CDH18: variants seen among roughly 807,000 people sequenced by gnomAD.
CDH18 encodes the protein cadherin-18.
In CDH18, 31 loss-of-function variants were observed where a neutral mutation model predicts 67.9. The ratio of observed to expected loss-of-function variants is 0.46; its 90% CI spans 0.34 to 0.62. The LOEUF (loss-of-function observed/expected upper bound fraction) is 0.62, where lower values mean the gene tolerates loss of function less well. Ranked by LOEUF, CDH18 falls within the 20% of genes least tolerant of loss-of-function variation. The pLI is 0.01. For synonymous variants in CDH18, 362 were observed against 347.2 expected, an observed-to-expected ratio of 1.04 and a Z score of -0.48; for missense variants, 890 against 975.5, an observed-to-expected ratio of 0.91 and a Z score of 1.17.
At position 19,741,433 on chromosome 5, in the gene CDH18, T is replaced by C. The variant is rs1018317121; in HGVS notation, c.523+5509A>G. On this transcript the variant is annotated intron_variant, in intron 4 of 12. Coordinates refer to ENST00000382275, the MANE Select transcript of CDH18 (RefSeq NM_004934.5). ...GGTCTTCTAAATGCAGGCTATACAA[T>C]ACACAATTTTTTTTTTAATGAGAGC... Among the ~76,000 whole-genome samples the C allele has an allele frequency of 2.6e-5, 4 of 151,186 alleles. No homozygotes were observed. In the South Asian group the frequency reaches 6.2e-4, roughly 24 times the overall value.
At chr5:19,732,289 T>G (rs1326875283) in intron 4 of CDH18, among the ~76,000 whole-genome samples, 1 of 151,188 alleles carries the variant, frequency 6.6e-6, no homozygotes, top group Non-Finnish European at 1.5e-5. Flanking sequence ...AAAAAAAAAG[T>G]TTTTAAAATA....
rs1167079626 is a variant in CDH18, at chr5:19,849,629, TATATATACACGCATATATATATAAAC to T, written c.-256-10413_-256-10388del. Among the ~76,000 whole-genome samples the T allele has an allele frequency of 3.3e-3, 190 of 57,368 alleles. 9 individuals carry two copies. The highest frequency in any genetic ancestry group is 6.5e-3 in the African/African-American group (163 of 25,002). 37.6% of individuals were successfully genotyped at this position (57,368 alleles called of 152,430 possible). A position where few individuals can be genotyped will look rare whatever the true frequency, so the allele number is the denominator to read the frequency against. On this transcript the variant is annotated intron_variant, in intron 2 of 12. Transcript: ENST00000382275. ...ATATACACGCATATATATATAAACA[TATATATACACGCATATATATATAAAC>T]ATATATATATACACGCATATATATA...
intron 1 of CDH18, among the ~76,000 whole-genome samples, chr5:20,396,533 A>T (rs1263409706): frequency 1.3e-5 from 2 of 152,126 alleles, no homozygotes; most frequent in East Asian, 3.8e-4. Flanking sequence ...ATGCTGATTA[A>T]TGTAAAGATA....
At chr5:19,722,126 T>A (rs891309782) in intron 4 of CDH18, among the ~76,000 whole-genome samples, 1 of 152,178 alleles carries the variant, frequency 6.6e-6, no homozygotes, top group Non-Finnish European at 1.5e-5. Flanking sequence ...CGATCTTGGC[T>A]CACTGCAACT....
intron 1 of CDH18, among the ~76,000 whole-genome samples, chr5:20,475,924 T>C (rs542602356): frequency 6.6e-6 from 1 of 152,302 alleles, no homozygotes; most frequent in East Asian, 1.9e-4. Context: ...GACATTTAGA[T>C]GTGTCTGCAG....
chr5:20,369,652 G>A lies in CDH18; in HGVS notation c.-579-114147C>T, dbSNP rs141973527. 2.4e-4 allele frequency among the ~76,000 whole-genome samples: 36 copies of A among 152,250 alleles called. No homozygotes were observed. The East Asian group carries it at 6.7e-3, about 29-fold the overall frequency. On this transcript the variant is annotated intron_variant, in intron 1 of 14. Coordinates refer to the CDH18 transcript ENST00000507958. Reference sequence around the variant, plus strand: ...ATAATTTAAGGAAATGCTTGTTTCTGTTTTGAAAATATCATGTCCAGTGGC... The same window carrying A: ...ATAATTTAAGGAAATGCTTGTTTCTATTTTGAAAATATCATGTCCAGTGGC...
intron 2 of CDH18, among the ~76,000 whole-genome samples, chr5:20,162,143 T>A (rs1735935035): frequency 6.6e-6 from 1 of 152,008 alleles, no homozygotes; most frequent in Non-Finnish European, 1.5e-5. Flanking sequence ...AAAACAAAGC[T>A]CAATTTCTTT....
chr5:19,516,612 C>G (rs1023516576), intron 10 of CDH18, among the ~76,000 whole-genome samples: 62 of 152,054 alleles, frequency 4.1e-4, no homozygotes, highest in African/African-American at 1.5e-3. Context: ...TCCATTTCTT[C>G]TAGATTTTCT....
chr5:19,621,847 A>G (rs745998544), intron 5 of CDH18, among the ~76,000 whole-genome samples: 15 of 152,322 alleles, frequency 9.8e-5, no homozygotes, highest in Non-Finnish European at 1.3e-4. Context: ...TAAAAAACAA[A>G]ATAAAATAAA....
At chr5:19,815,949 T>A (rs1173579351) in intron 3 of CDH18, among the ~76,000 whole-genome samples, 9 of 151,862 alleles carry the variant, frequency 5.9e-5, no homozygotes, top group Admixed American at 1.3e-4. Context: ...GTAACCAAGT[T>A]CTTAACAGAT....
chr5:20,359,182 C>T (rs1398897618), intron 1 of CDH18, among the ~76,000 whole-genome samples: 2 of 152,006 alleles, frequency 1.3e-5, no homozygotes, highest in African/African-American at 2.4e-5. Flanking sequence ...CCACCCACCT[C>T]GGCCTCCCAA....
chr5:19,638,977 G>GTTTTTTTTTTTTTTTTTTTTTTTTGTTT (rs1753593662), intron 5 of CDH18, among the ~76,000 whole-genome samples: 1 of 54,686 alleles, frequency 1.8e-5, no homozygotes, highest in African/African-American at 5.2e-5. Context: ...TTTTGTTGCT[G>GTTTTTTTTTTTTTTTTTTTTTTTTGTTT]TTTTTTTTTT....
intron 1 of CDH18, among the ~76,000 whole-genome samples, chr5:20,377,181 T>C (rs1265542452): frequency 6.6e-6 from 1 of 152,208 alleles, no homozygotes; most frequent in African/African-American, 2.4e-5. Flanking sequence ...TGTCTGCCAA[T>C]AGAATTTTGA....
intron 1 of CDH18, among the ~76,000 whole-genome samples, chr5:20,342,028 C>G (rs1048589572): frequency 6.6e-6 from 1 of 152,082 alleles, no homozygotes; most frequent in African/African-American, 2.4e-5. Context: ...AGATTCTGAG[C>G]CTCACATCTG....
intron 2 of CDH18, among the ~76,000 whole-genome samples, chr5:20,204,774 AG>A (rs562303041): frequency 1.0e-3 from 157 of 151,986 alleles, no homozygotes; most frequent in African/African-American, 3.7e-3. Context: ...TGAAGTGTAA[AG>A]GGTTTTTTTT....
chr5:19,933,201 T>A (rs942705227), intron 2 of CDH18, among the ~76,000 whole-genome samples: 1 of 151,488 alleles, frequency 6.6e-6, no homozygotes, highest in African/African-American at 2.4e-5. Flanking sequence ...GAGACAACCA[T>A]AAGTGAAATT....
intron 5 of CDH18, among the ~76,000 whole-genome samples, chr5:19,617,603 T>G (rs1219532702): frequency 6.6e-6 from 1 of 152,226 alleles, no homozygotes; most frequent in Non-Finnish European, 1.5e-5. Context: ...TTGGAAAGGC[T>G]TCACTGGCAA....
At chr5:20,362,423 C>G (rs1453648874) in intron 1 of CDH18, among the ~76,000 whole-genome samples, 1 of 152,156 alleles carries the variant, frequency 6.6e-6, no homozygotes, top group Non-Finnish European at 1.5e-5. Flanking sequence ...ATCCTCTGTA[C>G]TCCCTCTTGC....
At position 19,747,089 on chromosome 5, in the gene CDH18, G is replaced by C; in HGVS notation, c.376C>G (p.Leu126Val). Residue 126 changes from leucine (L) to valine (V), a missense_variant, in exon 4 of 13, where the codon CTT (leucine) becomes GTT (valine). By Grantham distance (32) the Leu-to-Val change is conservative. Coordinates refer to ENST00000382275, the MANE Select transcript of CDH18 (RefSeq NM_004934.5). ...CGTCTATCAATAGCTTGAGCATGAA[G>C]CACATAGTGGGTCTTCTGCTCTCTG... ...LDREQKTHYV[L>V]HAQAIDRRTN... 6.2e-7 allele frequency: 1 copy of C among 1,614,128 alleles called. No individual in the cohort carries two copies. Among genetic ancestry groups the C allele is most frequent in the East Asian group, 2.2e-5 (1 of 44,858 alleles).
Sources: gnomAD v4.1 joint callset for allele counts (sites outside exome capture counted in the v4.1 genomes callset) on GRCh38, gnomAD v4.1.1 for gene constraint, MANE v1.5 for transcripts, NCBI Gene and HGNC (gene_info 2026-07-23, HGNC 2026-07-21) for gene names.